Variants in TMEM143 observed in about 807,000 individuals in gnomAD.
TMEM143 encodes the protein transmembrane protein 143.
In TMEM143, 45 loss-of-function variants were observed where a neutral mutation model predicts 40.3. The ratio of observed to expected loss-of-function variants is 1.12; its 90% CI spans 0.88 to 1.43. The LOEUF (loss-of-function observed/expected upper bound fraction) is 1.43. TMEM143 is among the 40% of genes most tolerant of loss of function. The pLI, the probability that TMEM143 is intolerant of heterozygous loss-of-function variation, is 0.00. For missense variants in TMEM143, 620 were observed against 613.4 expected (o/e 1.01, Z -0.11); for synonymous variants, 299 against 282.7 (o/e 1.06, Z -0.58).
chr19:48,352,860 T>C (rs1410688376), intron 3 of TMEM143, among the ~76,000 whole-genome samples: 1 of 152,000 alleles, frequency 6.6e-6, no homozygotes, highest in East Asian at 1.9e-4. Context: ...CAAATGATCC[T>C]CCCACCTCAG....
At chr19:48,354,428 C>T (rs1969842459) in intron 3 of TMEM143, among the ~76,000 whole-genome samples, 1 of 151,850 alleles carries the variant, frequency 6.6e-6, no homozygotes, top group African/African-American at 2.4e-5. Context: ...CCACACCCAG[C>T]TAATTTTTGT....
At chr19:48,359,471 C>A (rs1969983021) in intron 3 of TMEM143, among the ~76,000 whole-genome samples, 1 of 151,614 alleles carries the variant, frequency 6.6e-6, no homozygotes, top group Non-Finnish European at 1.5e-5. Flanking sequence ...CCTTCCCCAC[C>A]CACCCCGTCT....
chr19:48,341,206 G>A (rs1290193540), intron 6 of TMEM143, among the ~76,000 whole-genome samples: 2 of 152,180 alleles, frequency 1.3e-5, no homozygotes, highest in South Asian at 2.1e-4. Context: ...GTAAAAGGCA[G>A]CTCCCCTCTG....
In TMEM143 at chr19:48,342,625, C is replaced by T. The variant is rs753600045; in HGVS notation, c.880G>A (p.Val294Ile). ...GTTAGCACCACCATGCCCACGTTGACGAAGATCGCCACGCCGGAGACTACC... is the reference window on the plus strand; with the variant it reads ...GTTAGCACCACCATGCCCACGTTGATGAAGATCGCCACGCCGGAGACTACC... ...MLVVSGVAIF[V>I]NVGMVVLTDL... The change falls in exon 6 of 8, where the codon GTC (valine) becomes ATC (isoleucine). Residue 294 changes from valine (V) to isoleucine (I), a missense_variant. Transcript: ENST00000293261. 1.6e-5 allele frequency: 26 copies of T among 1,613,812 alleles called. No homozygotes were observed. Among genetic ancestry groups the T allele is most frequent in the Middle Eastern group, 1.6e-4 (1 of 6,084 alleles).
intron 6 of TMEM143, among the ~76,000 whole-genome samples, chr19:48,339,739 T>C (rs534432471): frequency 2.2e-4 from 33 of 152,102 alleles, no homozygotes; most frequent in African/African-American, 8.0e-4. Context: ...GTTTGTTTGT[T>C]TGTGTTGGGA....
At chr19:48,346,232 CA>C (rs1415393898) in intron 3 of TMEM143, among the ~76,000 whole-genome samples, 1 of 152,066 alleles carries the variant, frequency 6.6e-6, no homozygotes, top group Non-Finnish European at 1.5e-5. Flanking sequence ...GCTGGGATTA[CA>C]GACACATGCC....
At position 48,333,541 on chromosome 19, in the gene TMEM143, G is replaced by T; in HGVS notation, c.1166-108C>A. The T allele has an allele frequency of 2.7e-6, 2 of 738,188 alleles. No homozygotes were observed. The highest frequency in any genetic ancestry group is 1.8e-5 in the South Asian group (1 of 55,340). 45.7% of individuals were successfully genotyped at this position (738,188 alleles called of 1,614,324 possible). A position where few individuals can be genotyped will look rare whatever the true frequency, so the allele number is the denominator to read the frequency against. On this transcript the variant is annotated intron_variant, in intron 7 of 7. Coordinates refer to ENST00000293261, the MANE Select transcript of TMEM143 (RefSeq NM_018273.4). This position sits in a 1 kb window ranked among gnomAD's most constrained non-coding sequence, Gnocchi z 4.1. ...AAGAACAGGAAGGGCCTGGGTTTGG[G>T]AGAAGCCTAGGAGTGATCTTGAGGC...
intron 6 of TMEM143, among the ~76,000 whole-genome samples, chr19:48,338,480 T>A (rs1969420418): frequency 6.6e-6 from 1 of 152,254 alleles, no homozygotes; most frequent in Non-Finnish European, 1.5e-5. Context: ...CGGTTTACCC[T>A]GAACAGGTCC....
At chr19:48,334,509 T>TC (rs1969320470) in intron 6 of TMEM143, among the ~76,000 whole-genome samples, 1 of 142,522 alleles carries the variant, frequency 7.0e-6, no homozygotes, top group Non-Finnish European at 1.6e-5. Flanking sequence ...TCTTTCTTTC[T>TC]TTTCTTTCTT....
chr19:48,342,842 C>A (rs369574934), intron 5 of TMEM143, 33 bp from the exon 6 acceptor site: 2 of 1,563,462 alleles, frequency 1.3e-6, no homozygotes, highest in Non-Finnish European at 1.7e-6. Context: ...GGAGCAGGAT[C>A]GGGACTGCAC....
At chr19:48,360,668 C>T (rs1032739592) in intron 2 of TMEM143, 1 of 156,306 alleles carries the variant, frequency 6.4e-6, no homozygotes, top group African/African-American at 2.4e-5. Flanking sequence ...AAAAACTATA[C>T]TGGGCTTAAA....
intron 3 of TMEM143, among the ~76,000 whole-genome samples, chr19:48,351,336 C>T (rs1969769628): frequency 6.6e-6 from 1 of 152,212 alleles, no homozygotes; most frequent in Non-Finnish European, 1.5e-5. Context: ...ACATTCAAAA[C>T]AGATGCAAAA....
chr19:48,356,686 C>G (rs1969907781), intron 3 of TMEM143, among the ~76,000 whole-genome samples: 1 of 151,278 alleles, frequency 6.6e-6, no homozygotes, highest in South Asian at 2.1e-4. Context: ...CAACCTCCTC[C>G]TCCCAGGTTC....
chr19:48,343,540 A>G (rs1969559511), intron 4 of TMEM143, 89 bp from the exon 5 acceptor site: 2 of 1,463,672 alleles, frequency 1.4e-6, no homozygotes, highest in Non-Finnish European at 1.8e-6. Flanking sequence ...CTGCCCCTAA[A>G]TAATTCCCCC....
chr19:48,334,444 TTC>T (rs1352348606), intron 6 of TMEM143, among the ~76,000 whole-genome samples: 2 of 45,082 alleles, frequency 4.4e-5, no homozygotes, highest in African/African-American at 1.8e-4. Flanking sequence ...CTTTCTTTCT[TTC>T]TTTCTTTCTT....
intron 3 of TMEM143, among the ~76,000 whole-genome samples, chr19:48,358,813 C>T (rs1969968432): frequency 1.3e-5 from 2 of 152,320 alleles, no homozygotes; most frequent in African/African-American, 2.4e-5. Flanking sequence ...CACCTAAATC[C>T]GCTGCTCACA....
chr19:48,336,366 A>C (rs1326595008), intron 6 of TMEM143, among the ~76,000 whole-genome samples: 2 of 151,750 alleles, frequency 1.3e-5, no homozygotes, highest in South Asian at 2.1e-4. Flanking sequence ...AAAAATACAA[A>C]AAAAAAAAAT....
chr19:48,363,526 C>A lies in TMEM143; in HGVS notation c.29G>T (p.Arg10Leu). The change falls in exon 2 of 8, where the codon CGG (arginine) becomes CTG (leucine). Residue 10 changes from arginine to leucine, a missense_variant. Transcript: ENST00000293261. ...ATGCAGCATGGCTAGACCCTTTCCCCGGAGCCTAAACAGAGGAAAATGGGC... is the reference window on the plus strand; with the variant it reads ...ATGCAGCATGGCTAGACCCTTTCCCAGGAGCCTAAACAGAGGAAAATGGGC... MTVELWLRLRGKGLAMLHVT... is the reference protein window; with the variant it reads MTVELWLRLLGKGLAMLHVT... The A allele has an allele frequency of 6.2e-7, 1 of 1,608,582 alleles. No homozygotes were observed. The highest frequency in any genetic ancestry group is 1.3e-5 in the African/African-American group (1 of 74,860).
At chr19:48,352,196 G>A (rs1382193913) in intron 3 of TMEM143, among the ~76,000 whole-genome samples, 6 of 121,360 alleles carry the variant, frequency 4.9e-5, no homozygotes, top group Non-Finnish European at 6.4e-5. Flanking sequence ...GCAGTGAGCC[G>A]AGATCAAGCC....
Sources: gnomAD v4.1 joint callset for allele counts (sites outside exome capture counted in the v4.1 genomes callset) on GRCh38, gnomAD v4.1.1 for gene constraint, Gnocchi (gnomAD v3.1) non-coding constraint, MANE v1.5 for transcripts, NCBI Gene and HGNC (gene_info 2026-07-23, HGNC 2026-07-21) for gene names.